The following SORCS3 variants were observed in gnomAD, a reference collection of about 807,000 sequenced individuals.
SORCS3 encodes VPS10 domain-containing receptor SorCS3.
Under a neutral mutation model 146.3 loss-of-function variants are expected in SORCS3, and 57 were observed. The observed-to-expected ratio is 0.39, with a 90% CI of 0.31 to 0.49. The LOEUF (loss-of-function observed/expected upper bound fraction) is 0.49. Among genes scored for constraint, SORCS3 ranks in the 20% least tolerant of loss-of-function variants. The pLI, the probability that SORCS3 is intolerant of heterozygous loss-of-function variation, is 0.92. For missense variants in SORCS3, 1,341 were observed against 1,575.5 expected, an observed-to-expected ratio of 0.85 and a Z score of 2.52; for synonymous variants, 653 against 618.5, an observed-to-expected ratio of 1.06 and a Z score of -0.83.
chr10:105,042,042 G>T (rs949145798), intron 4 of SORCS3, among the ~76,000 whole-genome samples: 1 of 152,300 alleles, frequency 6.6e-6, no homozygotes, highest in Middle Eastern at 3.4e-3. Flanking sequence ...GAAATAGGAG[G>T]TTTATGTTCT....
chr10:105,185,710 T>G (rs2056471191), intron 14 of SORCS3, among the ~76,000 whole-genome samples: 1 of 152,210 alleles, frequency 6.6e-6, no homozygotes, highest in Non-Finnish European at 1.5e-5. Context: ...ATTCAGATTT[T>G]TAAATAAAAT....
At chr10:104,646,659 G>T (rs117910867) in intron 1 of SORCS3, among the ~76,000 whole-genome samples, 2,051 of 152,306 alleles carry the variant, frequency 0.013, 94 homozygotes, top group Admixed American at 0.091. Context: ...CCCGCTTTCT[G>T]CCTTCTTTTG....
intron 5 of SORCS3, among the ~76,000 whole-genome samples, chr10:105,048,796 G>A (rs1054003541): frequency 9.9e-5 from 15 of 151,838 alleles, no homozygotes; most frequent in African/African-American, 3.6e-4. Context: ...GTCTCTTTTT[G>A]TATGCATATG....
chr10:104,751,644 C>T (rs1466984432), intron 1 of SORCS3, among the ~76,000 whole-genome samples: 1 of 152,024 alleles, frequency 6.6e-6, no homozygotes, highest in Non-Finnish European at 1.5e-5. Flanking sequence ...GGTCTGTATT[C>T]ACTCAGCTGT....
chr10:104,940,228 ATATATATATATT>A (rs1209242106), intron 3 of SORCS3, among the ~76,000 whole-genome samples: 35 of 34,208 alleles, frequency 1.0e-3, no homozygotes, highest in African/African-American at 4.4e-3. Context: ...ATATATATAT[ATATATATATATT>A]TTTTTTTTTT....
intron 7 of SORCS3, among the ~76,000 whole-genome samples, chr10:105,116,096 G>C (rs148875320): frequency 3.6e-4 from 55 of 152,308 alleles, no homozygotes; most frequent in African/African-American, 1.3e-3. Context: ...AATGATTATA[G>C]TGGTTTGCTG....
chr10:104,998,507 A>G (rs1458356624), intron 4 of SORCS3, among the ~76,000 whole-genome samples: 2 of 152,150 alleles, frequency 1.3e-5, no homozygotes, highest in African/African-American at 2.4e-5. Context: ...AAATTTTCAT[A>G]TGGTTAACCC....
rs138681911 is a variant in SORCS3 at position 105,032,917 on chromosome 10, G to A, written c.955-10138G>A. Among the ~76,000 whole-genome samples, 6 of 152,260 alleles carry A rather than the reference G, an allele frequency of 3.9e-5. No homozygotes were observed. The East Asian group carries it at 1.2e-3, about 29-fold the overall frequency. On this transcript the variant is annotated intron_variant, in intron 4 of 26. Transcript: ENST00000369701. ...GGTAGAGGGTGGGGTGGGAATGTGG[G>A]CCCATCATCTCATGGAGGAGTATCA...
chr10:104,934,088 G>A (rs569358578), intron 3 of SORCS3, among the ~76,000 whole-genome samples: 4 of 152,156 alleles, frequency 2.6e-5, no homozygotes, highest in Admixed American at 1.3e-4. Context: ...CACTGTGCCC[G>A]GCCTTCCCTC....
At chr10:105,147,271 T>G (rs1400782736) in intron 8 of SORCS3, among the ~76,000 whole-genome samples, 2 of 152,160 alleles carry the variant, frequency 1.3e-5, no homozygotes, top group Non-Finnish European at 1.5e-5. Context: ...ATAGGCTCTG[T>G]CTTCATTGCA....
chr10:104,848,006 C>T (rs202111508), intron 2 of SORCS3, among the ~76,000 whole-genome samples: 1 of 152,136 alleles, frequency 6.6e-6, no homozygotes, highest in East Asian at 1.9e-4. Context: ...TATATCCTTA[C>T]ACCATACTGG....
intron 1 of SORCS3, among the ~76,000 whole-genome samples, chr10:104,671,678 A>G (rs1286236252): frequency 6.6e-6 from 1 of 151,702 alleles, no homozygotes; most frequent in Non-Finnish European, 1.5e-5. Flanking sequence ...GAGTGTTTTT[A>G]TCATGAAAGG....
At chr10:104,768,798 ACTC>A (rs2017212738) in intron 1 of SORCS3, among the ~76,000 whole-genome samples, 1 of 152,024 alleles carries the variant, frequency 6.6e-6, no homozygotes, top group Non-Finnish European at 1.5e-5. Flanking sequence ...AATTAGAGAC[ACTC>A]CTCCTCCTGA....
At chr10:105,216,103 A>G (rs2056663474) in intron 18 of SORCS3, among the ~76,000 whole-genome samples, 1 of 152,154 alleles carries the variant, frequency 6.6e-6, no homozygotes, top group Non-Finnish European at 1.5e-5. Context: ...CAGGTAGTAC[A>G]CAGAGAGCTC....
chr10:104,868,451 G>A (rs563056148), intron 2 of SORCS3, among the ~76,000 whole-genome samples: 2 of 152,262 alleles, frequency 1.3e-5, no homozygotes, highest in Non-Finnish European at 2.9e-5. Context: ...CGCCTGCCAC[G>A]CTTCATGTAG....
rs1224380069 is a variant in SORCS3, at chr10:105,214,532, G to A, written c.2466G>A (p.Arg822=). 6.2e-7 allele frequency: 1 copy of A among 1,613,720 alleles called. No homozygotes were observed. Among genetic ancestry groups the A allele is most frequent in the East Asian group, 2.2e-5 (1 of 44,848 alleles). ...AGATGTGCCCTGGAAAAGCCCCTCG[G>A]GGCCTCCATGTGGTGACGACCGATG... ...KAQMCPGKAP[R]GLHVVTTDGR... is the part of the protein sequence containing the mutation. Residue 822 remains arginine, a synonymous_variant, in exon 18 of 27, where the codon CGG becomes CGA. Coordinates refer to ENST00000369701, the MANE Select transcript of SORCS3 (RefSeq NM_014978.3).
rs1284050623 is a variant in SORCS3, at chr10:104,725,567, C to T, written c.627+83613C>T. ...GCCTTTTTTTTGGCTATGCCCTGCC[C>T]CTAGAGGTGGAGTCTATAGAGGCAG... is the stretch of plus-strand genomic sequence containing the variant. On this transcript the variant is annotated intron_variant, in intron 1 of 26. Transcript: ENST00000369701. 3.3e-5 allele frequency among the ~76,000 whole-genome samples: 5 copies of T among 152,196 alleles called. No individual in the cohort carries two copies. In the East Asian group the frequency reaches 9.6e-4, roughly 29 times the overall value.
chr10:105,132,369 C>G (rs2056026139), intron 7 of SORCS3, among the ~76,000 whole-genome samples: 1 of 152,014 alleles, frequency 6.6e-6, no homozygotes, highest in Non-Finnish European at 1.5e-5. Context: ...GTAAAGCACC[C>G]AATATAGAAT....
chr10:104,791,400 T>A (rs1341695551), intron 1 of SORCS3, among the ~76,000 whole-genome samples: 1 of 152,216 alleles, frequency 6.6e-6, no homozygotes, highest in African/African-American at 2.4e-5. Flanking sequence ...AGCTGGAAGA[T>A]AACTTAGGAA....
Sources: gnomAD v4.1 joint callset for allele counts (sites outside exome capture counted in the v4.1 genomes callset) on GRCh38, gnomAD v4.1.1 for gene constraint, MANE v1.5 for transcripts, NCBI Gene and HGNC (gene_info 2026-07-23, HGNC 2026-07-21) for gene names.